The following BICC1 variants were observed in gnomAD, a reference collection of about 807,000 sequenced individuals.
The protein encoded by BICC1 is BicC family RNA binding protein 1.
Under a neutral mutation model 111.0 loss-of-function variants are expected in BICC1, and 43 were observed. The observed-to-expected ratio is 0.39, with a 90% CI of 0.30 to 0.50. The LOEUF (loss-of-function observed/expected upper bound fraction) is 0.50. Among genes scored for constraint, BICC1 ranks in the 20% least tolerant of loss-of-function variants. The probability of loss-of-function intolerance (pLI) is 0.88; values close to 1 mark genes in which losing one functional copy is unlikely to be tolerated. For synonymous variants in BICC1, 467 were observed against 434.4 expected (o/e 1.07, Z -0.93); for missense variants, 1,091 against 1,203.2 (o/e 0.91, Z 1.38).
intron 2 of BICC1, among the ~76,000 whole-genome samples, chr10:58,660,405 TTTCA>T (rs1353802402): frequency 5.7e-5 from 8 of 139,520 alleles, no homozygotes; most frequent in Non-Finnish European, 1.2e-4. Flanking sequence ...TAATGAGAGA[TTTCA>T]GGATTGTGTA....
At chr10:58,567,011 A>G (rs935395787) in intron 1 of BICC1, among the ~76,000 whole-genome samples, 2 of 152,172 alleles carry the variant, frequency 1.3e-5, no homozygotes, top group African/African-American at 2.4e-5. Flanking sequence ...AAAAAGGTGT[A>G]AAAACCTGAA....
chr10:58,690,257 G>A (rs1027814629), intron 2 of BICC1, among the ~76,000 whole-genome samples: 1 of 152,102 alleles, frequency 6.6e-6, no homozygotes, highest in Non-Finnish European at 1.5e-5. Flanking sequence ...TTTCAGTTGC[G>A]TGGGCATGTG....
chr10:58,780,039 G>A (rs1303109659), intron 3 of BICC1, among the ~76,000 whole-genome samples: 6 of 152,104 alleles, frequency 3.9e-5, no homozygotes, highest in South Asian at 2.1e-4. Context: ...TTGGAGCTGC[G>A]CCTCAGTGTT....
At chr10:58,666,372 A>G (rs1029876282) in intron 2 of BICC1, among the ~76,000 whole-genome samples, 6 of 152,264 alleles carry the variant, frequency 3.9e-5, no homozygotes, top group South Asian at 4.1e-4. Flanking sequence ...ATTTTGTCTC[A>G]CTGTTAAGCT....
rs181689890 is a variant in BICC1, at chr10:58,823,266, T to G, written c.2794+2798T>G. The G allele has an allele frequency of 2.0e-3, 1,974 of 985,346 alleles. 30 individuals are homozygous for G. In the African/African-American group the frequency reaches 0.031, roughly 16 times the overall value. 61.0% of individuals were successfully genotyped at this position (985,346 alleles called of 1,614,324 possible). Reference sequence around the variant, plus strand: ...AGATCCGCAACAAGATCCTGAGAGCTGCCAGGATTGTGTGAACCTTGGAAT... The same window carrying G: ...AGATCCGCAACAAGATCCTGAGAGCGGCCAGGATTGTGTGAACCTTGGAAT... On this transcript the variant is annotated intron_variant, in intron 20 of 20. Transcript: ENST00000373886.
intron 3 of BICC1, among the ~76,000 whole-genome samples, chr10:58,734,040 C>G (rs1247662244): frequency 1.3e-5 from 2 of 152,216 alleles, no homozygotes; most frequent in East Asian, 1.9e-4. Context: ...ACATACACTT[C>G]CATCTGTGGG....
chr10:58,658,835 A>G (rs1468351258), intron 2 of BICC1, among the ~76,000 whole-genome samples: 3 of 151,916 alleles, frequency 2.0e-5, no homozygotes, highest in Admixed American at 2.0e-4. Flanking sequence ...TTTTTCTTGT[A>G]CTTTCTGTGC....
intron 3 of BICC1, chr10:58,715,582 A>G (rs1320340475): frequency 1.3e-6 from 2 of 1,591,280 alleles, no homozygotes; most frequent in South Asian, 1.1e-5. Flanking sequence ...CGGGTGGCCT[A>G]TATGCACCCA....
intron 1 of BICC1, among the ~76,000 whole-genome samples, chr10:58,606,014 A>G (rs1420222892): frequency 6.6e-6 from 1 of 152,000 alleles, no homozygotes; most frequent in East Asian, 1.9e-4. Context: ...TGCTCTCAGA[A>G]CAATTTTCCA....
chr10:58,799,167 C>T lies in BICC1; in HGVS notation c.1640C>T (p.Pro547Leu). The change falls in exon 12 of 21, where the codon CCT becomes CTT. Residue 547 changes from proline (P) to leucine (L), a missense_variant. By Grantham distance (98) the Pro-to-Leu change is moderately conservative. Transcript: ENST00000373886. ...GGGCACACAGCTCCATCTCCCCCTCCTGGCTTGACTCCTGTTGATGTCCAT... is the reference window on the plus strand; with the variant it reads ...GGGCACACAGCTCCATCTCCCCCTCTTGGCTTGACTCCTGTTGATGTCCAT... Reference protein sequence around the residue: ...TYGHTAPSPPPGLTPVDVHIN... With the variant: ...TYGHTAPSPPLGLTPVDVHIN... 1 of 1,613,946 alleles carries T rather than the reference C, an allele frequency of 6.2e-7. No individual in the cohort carries two copies. Among genetic ancestry groups the T allele is most frequent in the Non-Finnish European group, 8.5e-7 (1 of 1,179,946 alleles).
At chr10:58,603,536 C>G (rs1277568986) in intron 1 of BICC1, among the ~76,000 whole-genome samples, 4 of 152,172 alleles carry the variant, frequency 2.6e-5, no homozygotes. Context: ...GGTATGCCGT[C>G]AGTCCACTGT....
rs112095778 is a variant in BICC1, at chr10:58,630,612, G to A, written c.237+9711G>A. 3.7e-3 allele frequency among the ~76,000 whole-genome samples: 557 copies of A among 152,162 alleles called. 5 individuals are homozygous for A. The highest frequency in any genetic ancestry group is 0.013 in the African/African-American group (522 of 41,504). On this transcript the variant is annotated intron_variant, in intron 2 of 20. Coordinates refer to ENST00000373886, the MANE Select transcript of BICC1 (RefSeq NM_001080512.3). ...CCTAGCTTTCAGGTTCTGATCTATA[G>A]GTGTCCCTAGAGTCTTCCCCTTCTC...
chr10:58,781,248 C>T (rs1373294413), intron 3 of BICC1, among the ~76,000 whole-genome samples: 1 of 152,046 alleles, frequency 6.6e-6, no homozygotes, highest in Non-Finnish European at 1.5e-5. Context: ...TGGAAAGTAC[C>T]ACACACACAG....
At chr10:58,684,078 G>C (rs1013858072) in intron 2 of BICC1, among the ~76,000 whole-genome samples, 4 of 152,150 alleles carry the variant, frequency 2.6e-5, no homozygotes, top group Admixed American at 2.6e-4. Context: ...AGAGTTTTTA[G>C]CATGAAGCGC....
intron 2 of BICC1, among the ~76,000 whole-genome samples, chr10:58,669,635 C>T (rs1239076239): frequency 6.6e-6 from 1 of 152,032 alleles, no homozygotes; most frequent in Non-Finnish European, 1.5e-5. Context: ...CATAATGTGA[C>T]ATTTGAGATG....
In BICC1 at chr10:58,746,160, G is replaced by A. The variant is rs1296598041; in HGVS notation, c.308-38841G>A. On this transcript the variant is annotated intron_variant, in intron 3 of 20. Transcript: ENST00000373886. ...GTTTGCTAAAAGCAGTTATAACGAT[G>A]TGGACAGAATTTAATCTACTTAGCT... 5.3e-5 allele frequency among the ~76,000 whole-genome samples: 8 copies of A among 152,116 alleles called. No homozygotes were observed. In the East Asian group the frequency reaches 1.5e-3, roughly 29 times the overall value.
At chr10:58,715,902 T>C in intron 3 of BICC1, 3 of 1,236,392 alleles carry the variant, frequency 2.4e-6, no homozygotes, top group Non-Finnish European at 3.5e-6. Flanking sequence ...CTTCCAGCAA[T>C]TCTTCTGATT....
At chr10:58,589,930 C>T (rs940887652) in intron 1 of BICC1, among the ~76,000 whole-genome samples, 4 of 152,056 alleles carry the variant, frequency 2.6e-5, no homozygotes, top group African/African-American at 9.7e-5. Flanking sequence ...CTCAGCCTCC[C>T]GAGTAGCTAG....
chr10:58,561,706 A>G (rs138862057), intron 1 of BICC1, among the ~76,000 whole-genome samples: 147 of 152,000 alleles, frequency 9.7e-4, no homozygotes, highest in African/African-American at 3.4e-3. Flanking sequence ...ATCCTTGTGT[A>G]TCTGCTCTGT....
Sources: allele counts gnomAD v4.1 joint callset (sites outside exome capture counted in the v4.1 genomes callset), GRCh38; gene constraint gnomAD v4.1.1; transcripts MANE v1.5; gene names NCBI Gene and HGNC (gene_info 2026-07-23, HGNC 2026-07-21).